The following FAM204A variants were observed in gnomAD, a reference collection of about 807,000 sequenced individuals.
The protein encoded by FAM204A is family with sequence similarity 204 member A, also known as protein FAM204A.
Under a neutral mutation model 35.4 loss-of-function variants are expected in FAM204A, and 16 were observed. The ratio of observed to expected loss-of-function variants is 0.45; its 90% confidence interval spans 0.31 to 0.69. The LOEUF (loss-of-function observed/expected upper bound fraction) is 0.69. Ranked by LOEUF, FAM204A falls within the 30% of genes least tolerant of loss-of-function variation. FAM204A has a pLI of 0.07. For missense variants in FAM204A, 240 were observed against 265.7 expected, an observed-to-expected ratio of 0.90 and a Z score of 0.67; for synonymous variants, 76 against 86.9, an observed-to-expected ratio of 0.88 and a Z score of 0.70.
chr10:118,311,473 A>G, intron 7 of FAM204A, 160 bp from the exon 8 acceptor site: 1 of 611,116 alleles, frequency 1.6e-6, no homozygotes, highest in South Asian at 2.3e-5. Flanking sequence ...GAATACAAAG[A>G]CAGGACCCAT....
intron 6 of FAM204A, among the ~76,000 whole-genome samples, chr10:118,330,043 G>A (rs987349926): frequency 6.6e-6 from 1 of 151,988 alleles, no homozygotes; most frequent in Non-Finnish European, 1.5e-5. Context: ...TCCATCTTGG[G>A]CTCCCAGAGC....
At chr10:118,316,716 A>T (rs1846036671) in intron 7 of FAM204A, among the ~76,000 whole-genome samples, 1 of 152,176 alleles carries the variant, frequency 6.6e-6, no homozygotes, top group Admixed American at 6.5e-5. Context: ...AATATCTTTT[A>T]TATGTGTATA....
At chr10:118,331,270 A>G (rs750167418) in intron 6 of FAM204A, among the ~76,000 whole-genome samples, 10 of 152,258 alleles carry the variant, frequency 6.6e-5, no homozygotes, top group Admixed American at 1.3e-4. Flanking sequence ...TCCATACTAT[A>G]GGAGTGGCAG....
rs922039816 is a variant in FAM204A, at chr10:118,309,769, ATTATC to A, written c.*1083_*1087del. ...CAGTTCTTAGAAGGTTCAAAGTTAT[ATTATC>A]TTGAGTTATAATTGTCTGTTTAATA... is the stretch of plus-strand genomic sequence containing the variant. On this transcript the variant is annotated 3_prime_UTR_variant, in exon 9 of 9. Coordinates refer to ENST00000369183, the MANE Select transcript of FAM204A (RefSeq NM_022063.3). The A allele has an allele frequency of 6.6e-6, 1 of 152,166 alleles. No homozygotes were observed. Among genetic ancestry groups the A allele is most frequent in the Non-Finnish European group, 1.5e-5 (1 of 68,018 alleles). The allele number at this position is 152,166 out of a possible 1,614,324, so 9.4% of individuals were successfully genotyped here. A position where few individuals can be genotyped will look rare whatever the true frequency, so the allele number is the denominator to read the frequency against.
intron 6 of FAM204A, among the ~76,000 whole-genome samples, chr10:118,332,042 C>T (rs1042191076): frequency 3.3e-5 from 5 of 150,864 alleles, no homozygotes; most frequent in African/African-American, 7.3e-5. Flanking sequence ...GGCATGATGG[C>T]GCACACCTCT....
At chr10:118,327,147 T>C (rs775047052) in intron 6 of FAM204A, among the ~76,000 whole-genome samples, 5 of 152,192 alleles carry the variant, frequency 3.3e-5, no homozygotes, top group African/African-American at 4.8e-5. Context: ...GTCCTTTAAC[T>C]TCCACATTCA....
rs1845946064 is a variant in FAM204A, at chr10:118,311,191, T to A, written c.650+16A>T. 1 of 1,598,450 alleles carries A rather than the reference T, an allele frequency of 6.3e-7. No individual in the cohort carries two copies. Among genetic ancestry groups the A allele is most frequent in the Non-Finnish European group, 8.5e-7 (1 of 1,174,216 alleles). On this transcript the variant is annotated intron_variant, in intron 8 of 8. Coordinates refer to ENST00000369183, the MANE Select transcript of FAM204A (RefSeq NM_022063.3). ...AAGTCAGGAGATTTACTACCAAAAA[T>A]CTTAAGTAAACTCACCCCCATGCAA...
Position 118,335,031 on chromosome 10 carries a change from T to C in FAM204A, c.453+83A>G, listed in dbSNP as rs1009521330. The C allele has an allele frequency of 2.6e-5, 25 of 963,592 alleles. No individual in the cohort carries two copies. The African/African-American group carries it at 3.4e-4, about 13-fold the overall frequency. The allele number at this position is 963,592 out of a possible 1,614,324, so 59.7% of individuals were successfully genotyped here. ...GTAGGCATCTTTTTAACTGAATGAA[T>C]TAATGAGGACAAGTACTTTAGGCGA... On this transcript the variant is annotated intron_variant, in intron 6 of 8. Coordinates refer to ENST00000369183, the MANE Select transcript of FAM204A (RefSeq NM_022063.3).
Position 118,299,956 on chromosome 10 carries a change from A to G in FAM204A, c.*10901T>C, listed in dbSNP as rs1006220089. 7.9e-5 allele frequency: 12 copies of G among 152,306 alleles called. No homozygotes were observed. The highest frequency in any genetic ancestry group is 2.9e-4 in the African/African-American group (12 of 41,552). The allele number at this position is 152,306 out of a possible 1,614,324, so 9.4% of individuals were successfully genotyped here. A position where few individuals can be genotyped will look rare whatever the true frequency, so the allele number is the denominator to read the frequency against. On this transcript the variant is annotated 3_prime_UTR_variant, in exon 9 of 9. Coordinates refer to ENST00000369183, the MANE Select transcript of FAM204A (RefSeq NM_022063.3). The stretch of plus-strand genomic sequence containing the variant: ...TTTAATCCTTTGCTATCCCTAAATC[A>G]CAAGTAGATTGGAAGTGGGTCTTGT...
At chr10:118,322,546 C>G in intron 7 of FAM204A, 1 of 235,122 alleles carries the variant, frequency 4.3e-6, no homozygotes, top group South Asian at 4.9e-5. Context: ...ACTGAGGAAC[C>G]ATTCCAGATT....
rs775377619 is a variant in FAM204A at position 118,301,786 on chromosome 10, G to A, written c.*9071C>T. Reference sequence around the variant, plus strand: ...TACTATTATTATCTCCATTTCTCAGGAGAACCCAAGGTACAGAGAGATTAA... The same window carrying A: ...TACTATTATTATCTCCATTTCTCAGAAGAACCCAAGGTACAGAGAGATTAA... On this transcript the variant is annotated 3_prime_UTR_variant, in exon 9 of 9. Transcript: ENST00000369183. The A allele has an allele frequency of 3.9e-5, 6 of 152,010 alleles. No homozygotes were observed. Among genetic ancestry groups the A allele is most frequent in the Admixed American group, 1.3e-4 (2 of 15,260 alleles). 9.4% of individuals were successfully genotyped at this position (152,010 alleles called of 1,614,324 possible).
At chr10:118,311,581 T>A in intron 7 of FAM204A, 1 of 314,892 alleles carries the variant, frequency 3.2e-6, no homozygotes, top group Non-Finnish European at 5.7e-6. Flanking sequence ...TCCACAAAGG[T>A]AGTAATGAGG....
chr10:118,328,730 A>C (rs1846238578), intron 6 of FAM204A, among the ~76,000 whole-genome samples: 1 of 152,082 alleles, frequency 6.6e-6, no homozygotes, highest in African/African-American at 2.4e-5. Flanking sequence ...TGACCTCGTG[A>C]TCTGCCTGCC....
At position 118,303,600 on chromosome 10, in the gene FAM204A, T is replaced by G. The variant is rs1317420648; in HGVS notation, c.*7257A>C. ...AGGCTGAGGTGGGCGGATCACAAGGTCAAGAGATTGAGACCACCTTGGCCA... is the reference window on the plus strand; with the variant it reads ...AGGCTGAGGTGGGCGGATCACAAGGGCAAGAGATTGAGACCACCTTGGCCA... On this transcript the variant is annotated 3_prime_UTR_variant, in exon 9 of 9. Coordinates refer to ENST00000369183, the MANE Select transcript of FAM204A (RefSeq NM_022063.3). The G allele has an allele frequency of 2.0e-5, 3 of 152,164 alleles. No homozygotes were observed. Among genetic ancestry groups the G allele is most frequent in the Non-Finnish European group, 4.4e-5 (3 of 68,144 alleles). The allele number at this position is 152,164 out of a possible 1,614,324, so 9.4% of individuals were successfully genotyped here.
chr10:118,318,104 C>T (rs1413619871), intron 7 of FAM204A, among the ~76,000 whole-genome samples: 1 of 151,988 alleles, frequency 6.6e-6, no homozygotes, highest in Admixed American at 6.6e-5. Flanking sequence ...AAATGGTCTC[C>T]TATATTCTTT....
chr10:118,329,645 T>G (rs1846258180), intron 6 of FAM204A, among the ~76,000 whole-genome samples: 1 of 152,136 alleles, frequency 6.6e-6, no homozygotes, highest in South Asian at 2.1e-4. Flanking sequence ...AGCACCTAAC[T>G]TGTCTGACAC....
intron 7 of FAM204A, among the ~76,000 whole-genome samples, chr10:118,318,845 C>T (rs1256607827): frequency 6.6e-6 from 1 of 151,232 alleles, no homozygotes; most frequent in Non-Finnish European, 1.5e-5. Context: ...ATCTCTAGTT[C>T]AAAATTTAAG....
chr10:118,311,331 G>GGAA lies in FAM204A; in HGVS notation c.544-19_544-18insTTC, dbSNP rs1554872384. The GGAA allele has an allele frequency of 4.6e-4, 623 of 1,344,736 alleles. No individual in the cohort carries two copies. The highest frequency in any genetic ancestry group is 5.2e-4 in the Non-Finnish European group (510 of 975,032). The allele number at this position is 1,344,736 out of a possible 1,614,324, so 83.3% of individuals were successfully genotyped here. A position where few individuals can be genotyped will look rare whatever the true frequency, so the allele number is the denominator to read the frequency against. ...ACACCAAGCTAAGAATTACAAAGGA[G>GGAA]AAAAAAAAAGTGAAAATAAATATTC... On this transcript the variant is annotated intron_variant, in intron 7 of 8. Coordinates refer to ENST00000369183, the MANE Select transcript of FAM204A (RefSeq NM_022063.3).
In FAM204A at chr10:118,308,963, G is replaced by A. The variant is rs747056853; in HGVS notation, c.*1894C>T. 3.3e-5 allele frequency: 5 copies of A among 151,676 alleles called. No individual in the cohort carries two copies. Among genetic ancestry groups the A allele is most frequent in the Admixed American group, 6.6e-5 (1 of 15,244 alleles). The allele number at this position is 151,676 out of a possible 1,614,324, so 9.4% of individuals were successfully genotyped here. ...AAGTGTGAGAATATCTATACCACTCGCCTGCTCAAAAATAACATTTTTAGG... is the reference window on the plus strand; with the variant it reads ...AAGTGTGAGAATATCTATACCACTCACCTGCTCAAAAATAACATTTTTAGG... On this transcript the variant is annotated 3_prime_UTR_variant, in exon 9 of 9. Transcript: ENST00000369183.
Sources: allele counts gnomAD v4.1 joint callset (sites outside exome capture counted in the v4.1 genomes callset), GRCh38; gene constraint gnomAD v4.1.1; transcripts MANE v1.5; gene names NCBI Gene and HGNC (gene_info 2026-07-23, HGNC 2026-07-21).